The following COP1 variants were observed in gnomAD, a reference collection of about 807,000 sequenced individuals.
The protein encoded by COP1 is E3 ubiquitin-protein ligase COP1.
Under a neutral mutation model 101.3 loss-of-function variants are expected in COP1, and 24 were observed. The ratio of observed to expected loss-of-function variants is 0.24; its 90% CI spans 0.17 to 0.33. COP1 has a LOEUF of 0.33. COP1 is among the 10% of genes least tolerant of loss of function. The pLI is 1.00. For synonymous variants in COP1, 347 were observed against 341.9 expected (o/e 1.01, Z -0.17); for missense variants, 663 against 906.2 (o/e 0.73, Z 3.45).
intron 11 of COP1, among the ~76,000 whole-genome samples, chr1:176,067,813 A>G (rs78845402): frequency 0.065 from 9,961 of 152,282 alleles, 444 homozygotes; most frequent in Non-Finnish European, 0.087. Context: ...ACAGCATTCT[A>G]TAACACATGC....
intron 18 of COP1, among the ~76,000 whole-genome samples, chr1:175,954,338 T>G (rs1166539468): frequency 5.3e-5 from 8 of 152,094 alleles, no homozygotes. Flanking sequence ...TGAACATTAA[T>G]GATATAGTAA....
At chr1:176,180,784 A>C (rs562520453) in intron 2 of COP1, among the ~76,000 whole-genome samples, 1 of 152,368 alleles carries the variant, frequency 6.6e-6, no homozygotes, top group South Asian at 2.1e-4. Flanking sequence ...CAGCCAGGAC[A>C]AATCAGAACC....
intron 9 of COP1, among the ~76,000 whole-genome samples, chr1:176,099,976 C>T (rs774369767): frequency 1.3e-5 from 2 of 152,138 alleles, no homozygotes; most frequent in Non-Finnish European, 2.9e-5. Context: ...CCAAGCCAAT[C>T]TAAAAGGCCT....
At chr1:176,096,412 T>G (rs1434328298) in intron 9 of COP1, among the ~76,000 whole-genome samples, 1 of 152,128 alleles carries the variant, frequency 6.6e-6, no homozygotes, top group Non-Finnish European at 1.5e-5. Flanking sequence ...CTGGTTTGGG[T>G]GCATGGCCAT....
intron 5 of COP1, among the ~76,000 whole-genome samples, chr1:176,151,270 A>AAAGGAAGG (rs553409824): frequency 1.3e-5 from 2 of 150,464 alleles, no homozygotes; most frequent in Non-Finnish European, 3.0e-5. Context: ...AAAGAAAGAA[A>AAAGGAAGG]AAGGAAGGAA....
chr1:176,202,650 T>C (rs12726187), intron 1 of COP1, among the ~76,000 whole-genome samples: 7 of 151,346 alleles, frequency 4.6e-5, no homozygotes, highest in South Asian at 2.1e-4. Context: ...CTGGGCAACA[T>C]AGGGAGAGCC....
chr1:176,074,131 T>C (rs1357920366), intron 11 of COP1, among the ~76,000 whole-genome samples: 1 of 152,170 alleles, frequency 6.6e-6, no homozygotes, highest in African/African-American at 2.4e-5. Context: ...TTCACCATGC[T>C]GGCCAGGCTG....
At chr1:175,988,958 A>G (rs183855364) in intron 16 of COP1, 1 of 160,926 alleles carries the variant, frequency 6.2e-6, no homozygotes, top group Non-Finnish European at 1.4e-5. Context: ...ACTATACTGC[A>G]AGTAGATAAA....
intron 18 of COP1, among the ~76,000 whole-genome samples, chr1:175,972,564 A>C (rs1392313355): frequency 1.3e-5 from 2 of 150,502 alleles, no homozygotes; most frequent in Non-Finnish European, 2.9e-5. Context: ...TCCCGGGTTC[A>C]AGCGATTCTC....
chr1:176,025,974 T>C (rs1239729715), intron 15 of COP1, among the ~76,000 whole-genome samples: 1 of 152,038 alleles, frequency 6.6e-6, no homozygotes, highest in Non-Finnish European at 1.5e-5. Flanking sequence ...ATAATGCCAA[T>C]GGTTCTAAAA....
intron 15 of COP1, among the ~76,000 whole-genome samples, chr1:175,991,932 T>G (rs1196903885): frequency 1.3e-5 from 2 of 152,214 alleles, no homozygotes; most frequent in Admixed American, 6.5e-5. Context: ...CTGAGGCTGT[T>G]GTATAGTAAC....
chr1:176,134,855 G>T (rs756320831), intron 8 of COP1, among the ~76,000 whole-genome samples, 155 bp downstream of exon 8: 1 of 151,958 alleles, frequency 6.6e-6, no homozygotes, highest in Non-Finnish European at 1.5e-5. Context: ...ACGCATTAAG[G>T]AAACAGATGG....
At chr1:175,957,408 T>C (rs1306353931) in intron 18 of COP1, among the ~76,000 whole-genome samples, 22 of 152,172 alleles carry the variant, frequency 1.4e-4, no homozygotes, top group Non-Finnish European at 2.6e-4. Flanking sequence ...CACTATTCAG[T>C]GTAGTAACAT....
chr1:176,051,811 T>A (rs1181448906), intron 11 of COP1, among the ~76,000 whole-genome samples: 2 of 152,066 alleles, frequency 1.3e-5, no homozygotes, highest in African/African-American at 2.4e-5. Context: ...ATAAAAAAAA[T>A]TAAAATTAAA....
intron 3 of COP1, among the ~76,000 whole-genome samples, chr1:176,165,877 G>A (rs1319967849): frequency 1.3e-5 from 2 of 152,094 alleles, no homozygotes; most frequent in South Asian, 2.1e-4. Flanking sequence ...CCAGATAAAG[G>A]AGAGAGCATG....
intron 19 of COP1, 146 bp from the exon 20 acceptor site, chr1:175,945,316 T>C: frequency 1.6e-6 from 1 of 612,464 alleles, no homozygotes; most frequent in Non-Finnish European, 2.8e-6. Context: ...TTGAATGGAT[T>C]GGACATTAAT....
chr1:176,127,561 C>CTGTGTGTGTG (rs71129555), intron 8 of COP1, among the ~76,000 whole-genome samples: 3,010 of 148,204 alleles, frequency 0.02, 34 homozygotes, highest in Middle Eastern at 0.072. Context: ...TAGTATTCTA[C>CTGTGTGTGTG]TGTGTGTGTG....
chr1:176,186,498 C>T (rs1399989644), intron 1 of COP1, among the ~76,000 whole-genome samples: 5 of 152,066 alleles, frequency 3.3e-5, no homozygotes, highest in Non-Finnish European at 1.5e-5. Flanking sequence ...AGAGACTGTG[C>T]CACTGCACTC....
At chr1:176,120,992 A>G (rs902326940) in intron 8 of COP1, among the ~76,000 whole-genome samples, 4 of 152,180 alleles carry the variant, frequency 2.6e-5, no homozygotes, top group Non-Finnish European at 5.9e-5. Context: ...GAATAAGAGA[A>G]TCAAAGAGAG....
Sources: gnomAD v4.1 joint callset for allele counts (sites outside exome capture counted in the v4.1 genomes callset) on GRCh38, gnomAD v4.1.1 for gene constraint, MANE v1.5 for transcripts, NCBI Gene and HGNC (gene_info 2026-07-23, HGNC 2026-07-21) for gene names.